The following KIF13A variants were observed in gnomAD, a reference collection of about 807,000 sequenced individuals.
KIF13A encodes kinesin family member 13A.
A neutral mutation model predicts 212.2 loss-of-function variants in KIF13A; 79 were observed. That is an observed-to-expected ratio of 0.37 (90% CI 0.31 to 0.45). The LOEUF (loss-of-function observed/expected upper bound fraction) is 0.45, where lower values mean the gene tolerates loss of function less well. KIF13A is among the 20% of genes least tolerant of loss of function. The probability of loss-of-function intolerance (pLI) is 1.00; values close to 1 mark genes in which losing one functional copy is unlikely to be tolerated. For missense variants in KIF13A, 1,901 were observed against 2,209.0 expected, an observed-to-expected ratio of 0.86 and a Z score of 2.79; for synonymous variants, 789 against 808.6, an observed-to-expected ratio of 0.98 and a Z score of 0.41.
At chr6:17,950,640 ATCTC>A (rs1338267646) in intron 2 of KIF13A, 1 of 985,168 alleles carries the variant, frequency 1.0e-6, no homozygotes, top group Non-Finnish European at 1.2e-6. Flanking sequence ...AGCAATAACT[ATCTC>A]TCAATCTGAG....
Position 17,825,644 on chromosome 6 carries a change from A to G in KIF13A, c.1786+124T>C. 1.2e-6 allele frequency: 1 copy of G among 848,886 alleles called. No homozygotes were observed. The highest frequency in any genetic ancestry group is 1.8e-6 in the Non-Finnish European group (1 of 545,510). The allele number at this position is 848,886 out of a possible 1,614,324, so 52.6% of individuals were successfully genotyped here. Reference sequence around the variant, plus strand: ...TATTCACTGATGGCCTTTTAAAGAAATGAGCAGTTTTATGTGTTTAAAATG... The same window carrying G: ...TATTCACTGATGGCCTTTTAAAGAAGTGAGCAGTTTTATGTGTTTAAAATG... On this transcript the variant is annotated intron_variant, in intron 16 of 38. Coordinates refer to ENST00000259711, the MANE Select transcript of KIF13A (RefSeq NM_022113.6). The surrounding 1 kb of genome is among the most constrained non-coding windows in gnomAD (Gnocchi z 4.5).
At chr6:17,822,541 GT>G (rs1764552602) in intron 16 of KIF13A, among the ~76,000 whole-genome samples, 1 of 152,074 alleles carries the variant, frequency 6.6e-6, no homozygotes, top group African/African-American at 2.4e-5. Context: ...ATATAAGAAG[GT>G]AGTAATTGAT....
intron 2 of KIF13A, among the ~76,000 whole-genome samples, chr6:17,930,701 G>A (rs1775914021): frequency 6.6e-6 from 1 of 152,158 alleles, no homozygotes; most frequent in South Asian, 2.1e-4. Context: ...AGACCACAGG[G>A]CTGGGAAAAG....
intron 3 of KIF13A, chr6:17,881,443 T>TAA (rs34985576): frequency 5.8e-4 from 227 of 389,742 alleles, no homozygotes; most frequent in East Asian, 1.2e-3. Flanking sequence ...AATTTACAGT[T>TAA]AAAAAAAAAA....
At chr6:17,969,470 A>G (rs180701660) in intron 2 of KIF13A, among the ~76,000 whole-genome samples, 1 of 152,236 alleles carries the variant, frequency 6.6e-6, no homozygotes, top group Admixed American at 6.5e-5. Context: ...TAGACTGCCA[A>G]TACTACTTAG....
At position 17,773,554 on chromosome 6, in the gene KIF13A, A is replaced by C. The variant is rs778884124; in HGVS notation, c.4248T>G (p.Ser1416=). 12 of 1,610,876 alleles carry C rather than the reference A, an allele frequency of 7.4e-6. No homozygotes were observed. In the African/African-American group the frequency reaches 1.6e-4, roughly 22 times the overall value. The part of the protein sequence containing the change: ...KGWPENQLDM[S]DYSSSYQDVA... ...CATCTTGGTAACTGGAGCTATAGTCAGACATGTCCAACTGGTTCTCTGGCC... is the reference window on the plus strand; with the variant it reads ...CATCTTGGTAACTGGAGCTATAGTCCGACATGTCCAACTGGTTCTCTGGCC... Residue 1416 remains serine, a synonymous_variant, in exon 36 of 39, where the codon TCT becomes TCG. Transcript: ENST00000259711. The surrounding 1 kb of genome is among the most constrained non-coding windows in gnomAD (Gnocchi z 4.2).
Position 17,984,907 on chromosome 6 carries a change from C to T in KIF13A, c.146+2147G>A, listed in dbSNP as rs906713482. Among the ~76,000 whole-genome samples the T allele has an allele frequency of 2.0e-5, 3 of 152,154 alleles. No individual in the cohort carries two copies. The highest frequency in any genetic ancestry group is 2.9e-5 in the Non-Finnish European group (2 of 68,018). ...ATTGCAAACATAGCATGAAGCACTG[C>T]TGCAATTAATCAACCCAGAGCCCAA... On this transcript the variant is annotated intron_variant, in intron 2 of 38. Coordinates refer to ENST00000259711, the MANE Select transcript of KIF13A (RefSeq NM_022113.6). The surrounding 1 kb of genome is among the most constrained non-coding windows in gnomAD (Gnocchi z 5.0).
At position 17,926,012 on chromosome 6, in the gene KIF13A, A is replaced by G. The variant is rs943776469; in HGVS notation, c.147-27832T>C. Among the ~76,000 whole-genome samples the G allele has an allele frequency of 6.6e-6, 1 of 152,226 alleles. No homozygotes were observed. Among genetic ancestry groups the G allele is most frequent in the Admixed American group, 6.5e-5 (1 of 15,286 alleles). ...CTTAAAGAGAATCTGCTGTGCCCAC[A>G]GCACCAGAAGAGGCAGCTGTATCTA... On this transcript the variant is annotated intron_variant, in intron 2 of 38. Transcript: ENST00000259711. This position sits in a 1 kb window ranked among gnomAD's most constrained non-coding sequence, Gnocchi z 4.3.
intron 2 of KIF13A, among the ~76,000 whole-genome samples, chr6:17,932,722 C>T (rs1249643117): frequency 3.3e-5 from 5 of 151,716 alleles, no homozygotes; most frequent in Non-Finnish European, 7.4e-5. Flanking sequence ...CAAGCTCCTA[C>T]AGCTTGTATG....
chr6:17,887,520 T>C (rs955698524), intron 3 of KIF13A, among the ~76,000 whole-genome samples: 1 of 152,198 alleles, frequency 6.6e-6, no homozygotes, highest in African/African-American at 2.4e-5. Flanking sequence ...ATAAAGATCC[T>C]AAATGATCTT....
intron 4 of KIF13A, among the ~76,000 whole-genome samples, chr6:17,868,181 C>T (rs1021648954): frequency 6.6e-6 from 1 of 152,212 alleles, no homozygotes; most frequent in Non-Finnish European, 1.5e-5. Flanking sequence ...ATGTTCACAT[C>T]CACACTGACC....
At chr6:17,905,440 CAG>C (rs1773411873) in intron 2 of KIF13A, among the ~76,000 whole-genome samples, 1 of 152,186 alleles carries the variant, frequency 6.6e-6, no homozygotes, top group African/African-American at 2.4e-5. Flanking sequence ...AGTGTGACAA[CAG>C]AGACAGGAAT....
In KIF13A at chr6:17,932,454, T is replaced by C. The variant is rs185804273; in HGVS notation, c.147-34274A>G. 2.4e-3 allele frequency among the ~76,000 whole-genome samples: 365 copies of C among 152,352 alleles called. 1 individual carries two copies. The highest frequency in any genetic ancestry group is 3.9e-3 in the Non-Finnish European group (263 of 68,036). On this transcript the variant is annotated intron_variant, in intron 2 of 38. Transcript: ENST00000259711. ...CTTATGAAATCCATTTTAGAAATTC[T>C]GCATAGTTGCATAAGGCTTTTAGAT... is the stretch of plus-strand genomic sequence containing the variant.
chr6:17,777,378 T>G lies in KIF13A; in HGVS notation c.4093-24A>C, dbSNP rs770489436. On this transcript the variant is annotated intron_variant, in intron 33 of 38. Coordinates refer to ENST00000259711, the MANE Select transcript of KIF13A (RefSeq NM_022113.6). The surrounding 1 kb of genome is among the most constrained non-coding windows in gnomAD (Gnocchi z 4.4). Reference sequence around the variant, plus strand: ...GCCTGTAAACATAATAATTTGAAAATAACACTTTTTTTTTTTTTCCCCAGA... The same window carrying G: ...GCCTGTAAACATAATAATTTGAAAAGAACACTTTTTTTTTTTTTCCCCAGA... 6.5e-7 allele frequency: 1 copy of G among 1,540,800 alleles called. No individual in the cohort carries two copies. Among genetic ancestry groups the G allele is most frequent in the Admixed American group, 1.9e-5 (1 of 52,116 alleles).
At chr6:17,821,111 T>A (rs1047692310) in intron 16 of KIF13A, among the ~76,000 whole-genome samples, 61 of 152,262 alleles carry the variant, frequency 4.0e-4, no homozygotes, top group African/African-American at 1.4e-3. Context: ...TCCTCCCACT[T>A]TGGCTTCCCA....
chr6:17,936,673 T>G (rs1218212444), intron 2 of KIF13A, among the ~76,000 whole-genome samples: 1 of 152,200 alleles, frequency 6.6e-6, no homozygotes, highest in Non-Finnish European at 1.5e-5. Context: ...CCCTAGGTCA[T>G]AGATGAGGTT....
chr6:17,907,141 C>T (rs932754718), intron 2 of KIF13A, among the ~76,000 whole-genome samples: 12 of 152,162 alleles, frequency 7.9e-5, no homozygotes, highest in African/African-American at 2.9e-4. Context: ...TCTGCTTTAA[C>T]TCACTTAACA....
intron 3 of KIF13A, among the ~76,000 whole-genome samples, chr6:17,878,637 C>A (rs1770787954): frequency 6.6e-6 from 1 of 152,112 alleles, no homozygotes; most frequent in Non-Finnish European, 1.5e-5. Context: ...TAGACATTTA[C>A]ATTCATAGTA....
chr6:17,791,116 T>G (rs1761504775), intron 25 of KIF13A, among the ~76,000 whole-genome samples: 1 of 152,086 alleles, frequency 6.6e-6, no homozygotes, highest in South Asian at 2.1e-4. Context: ...TGCTTTTTTT[T>G]TTTTTTTAGT....
Sources: gnomAD v4.1 joint callset for allele counts (sites outside exome capture counted in the v4.1 genomes callset) on GRCh38, gnomAD v4.1.1 for gene constraint, Gnocchi (gnomAD v3.1) non-coding constraint, MANE v1.5 for transcripts, NCBI Gene and HGNC (gene_info 2026-07-23, HGNC 2026-07-21) for gene names.